The following GABBR2 variants were observed in gnomAD, a reference collection of about 807,000 sequenced individuals.
GABBR2 encodes gamma-aminobutyric acid type B receptor subunit 2.
A neutral mutation model predicts 105.6 loss-of-function variants in GABBR2; 23 were observed. The ratio of observed to expected loss-of-function variants is 0.22; its 90% CI spans 0.16 to 0.31. The LOEUF is 0.31. Ranked by LOEUF, GABBR2 falls within the 10% of genes least tolerant of loss-of-function variation. The pLI, the probability that GABBR2 is intolerant of heterozygous loss-of-function variation, is 1.00. For synonymous variants in GABBR2, 478 were observed against 499.7 expected (o/e 0.96, Z 0.58); for missense variants, 734 against 1,245.5 (o/e 0.59, Z 6.18).
Position 98,547,321 on chromosome 9 carries a change from ATATTTT to A in GABBR2, c.460-5284_460-5279del, listed in dbSNP as rs1355312541. ...ATATTGTGTATATTGTTTTATATTT[ATATTTT>A]TATAATATATTTAACATATTTATTA... On this transcript the variant is annotated intron_variant, in intron 2 of 18. Coordinates refer to ENST00000259455, the MANE Select transcript of GABBR2 (RefSeq NM_005458.8). 5.1e-5 allele frequency among the ~76,000 whole-genome samples: 6 copies of A among 116,944 alleles called. 2 individuals carry two copies. The East Asian group carries it at 2.2e-3, about 43-fold the overall frequency. 76.7% of individuals were successfully genotyped at this position (116,944 alleles called of 152,430 possible).
chr9:98,431,189 T>A (rs1825803189), intron 7 of GABBR2, among the ~76,000 whole-genome samples: 2 of 152,258 alleles, frequency 1.3e-5, no homozygotes, highest in South Asian at 4.2e-4. Context: ...CCAGCCTGTT[T>A]AAAACTCTCT....
chr9:98,468,863 G>A (rs1690675352), intron 6 of GABBR2, among the ~76,000 whole-genome samples: 1 of 152,158 alleles, frequency 6.6e-6, no homozygotes, highest in African/African-American at 2.4e-5. Context: ...CAAAAGAGCT[G>A]ATTTGGATGT....
chr9:98,303,136 G>A (rs1040006488), intron 16 of GABBR2, 105 bp downstream of exon 16: 16 of 839,736 alleles, frequency 1.9e-5, no homozygotes, highest in Admixed American at 8.1e-5. Flanking sequence ...GAGACTGCAC[G>A]GTCATGCTGC....
chr9:98,409,676 G>A (rs1005908234), intron 7 of GABBR2, among the ~76,000 whole-genome samples: 3 of 152,186 alleles, frequency 2.0e-5, no homozygotes, highest in African/African-American at 7.2e-5. Flanking sequence ...GCAACCTGCA[G>A]CTAGCAGTCA....
intron 1 of GABBR2, among the ~76,000 whole-genome samples, chr9:98,613,928 C>T (rs1022641530): frequency 2.0e-5 from 3 of 151,816 alleles, no homozygotes; most frequent in South Asian, 2.1e-4. Flanking sequence ...AACTGTAACA[C>T]GAAAATAATA....
chr9:98,479,883 C>T (rs1391096263), intron 5 of GABBR2, among the ~76,000 whole-genome samples: 1 of 152,170 alleles, frequency 6.6e-6, no homozygotes, highest in Non-Finnish European at 1.5e-5. Flanking sequence ...ACACAGTACT[C>T]CTCAGCTATC....
chr9:98,546,872 T>C (rs1396326624), intron 2 of GABBR2, among the ~76,000 whole-genome samples: 1 of 122,250 alleles, frequency 8.2e-6, no homozygotes, highest in Non-Finnish European at 1.8e-5. Flanking sequence ...TGTGAATTAA[T>C]CTTGCCTCAG....
At chr9:98,328,164 CT>C (rs1830957310) in intron 13 of GABBR2, among the ~76,000 whole-genome samples, 1 of 151,854 alleles carries the variant, frequency 6.6e-6, no homozygotes, top group South Asian at 2.1e-4. Flanking sequence ...TCACAAACCC[CT>C]GTCTCCATCT....
At chr9:98,608,127 C>G (rs1349706805) in intron 1 of GABBR2, 1 of 1,271,850 alleles carries the variant, frequency 7.9e-7, no homozygotes, top group Non-Finnish European at 1.1e-6. Flanking sequence ...AAAGGAAGAT[C>G]TTTTAAACTC....
chr9:98,634,219 C>T (rs1044665119), intron 1 of GABBR2, among the ~76,000 whole-genome samples: 7 of 152,188 alleles, frequency 4.6e-5, no homozygotes, highest in South Asian at 4.1e-4. Context: ...AGTCTATACA[C>T]GCAGGGAGGC....
At chr9:98,402,603 C>T (rs191814921) in intron 8 of GABBR2, among the ~76,000 whole-genome samples, 145 of 152,182 alleles carry the variant, frequency 9.5e-4, no homozygotes, top group African/African-American at 3.3e-3. Flanking sequence ...GGAAGTGAGG[C>T]AGGGAAGGGA....
chr9:98,560,998 C>T (rs1434989701), intron 2 of GABBR2, among the ~76,000 whole-genome samples: 2 of 151,776 alleles, frequency 1.3e-5, no homozygotes, highest in East Asian at 1.9e-4. Flanking sequence ...TCATCTAATG[C>T]GTAGTCCATA....
At chr9:98,605,056 C>T (rs1829394254) in intron 1 of GABBR2, among the ~76,000 whole-genome samples, 1 of 152,228 alleles carries the variant, frequency 6.6e-6, no homozygotes, top group African/African-American at 2.4e-5. Context: ...ATGGAAGCTG[C>T]CATCAGCCAG....
intron 13 of GABBR2, among the ~76,000 whole-genome samples, chr9:98,343,043 A>C (rs2131409573): frequency 6.6e-6 from 1 of 152,332 alleles, no homozygotes; most frequent in African/African-American, 2.4e-5. Flanking sequence ...TTTCCATAGA[A>C]ACATAACTGG....
At chr9:98,697,641 A>G (rs1453583319) in intron 1 of GABBR2, among the ~76,000 whole-genome samples, 1 of 152,252 alleles carries the variant, frequency 6.6e-6, no homozygotes, top group Non-Finnish European at 1.5e-5. Flanking sequence ...TCATCTACCC[A>G]CCTGCAACTA....
At chr9:98,450,164 C>T (rs1226187526) in intron 7 of GABBR2, among the ~76,000 whole-genome samples, 1 of 151,840 alleles carries the variant, frequency 6.6e-6, no homozygotes, top group Non-Finnish European at 1.5e-5. Context: ...GAGGGGGCAC[C>T]CAGACTAAGA....
chr9:98,557,898 G>A (rs955773562), intron 2 of GABBR2, among the ~76,000 whole-genome samples: 3 of 152,130 alleles, frequency 2.0e-5, no homozygotes, highest in Non-Finnish European at 2.9e-5. Flanking sequence ...AAATGATAAC[G>A]TCAGGGATAC....
Position 98,586,679 on chromosome 9 carries a change from T to C in GABBR2, c.322-8607A>G, listed in dbSNP as rs1378182459. Among the ~76,000 whole-genome samples the C allele has an allele frequency of 9.2e-5, 14 of 152,374 alleles. No homozygotes were observed. The East Asian group carries it at 2.7e-3, about 29-fold the overall frequency. On this transcript the variant is annotated intron_variant, in intron 1 of 18. Transcript: ENST00000259455. The stretch of plus-strand genomic sequence containing the variant: ...ATTTAATTTTACTCATTTCCGAACA[T>C]ACATATAAGTGGAATTGTGTTATAC...
At chr9:98,536,029 G>T (rs1828172905) in intron 3 of GABBR2, among the ~76,000 whole-genome samples, 1 of 152,052 alleles carries the variant, frequency 6.6e-6, no homozygotes, top group African/African-American at 2.4e-5. Context: ...GTAACAAATG[G>T]GCCACTCTGA....
Sources: gnomAD v4.1 joint callset for allele counts (sites outside exome capture counted in the v4.1 genomes callset) on GRCh38, gnomAD v4.1.1 for gene constraint, MANE v1.5 for transcripts, NCBI Gene and HGNC (gene_info 2026-07-23, HGNC 2026-07-21) for gene names.